Variants in CAPZB observed in about 807,000 individuals in gnomAD.
CAPZB encodes capping actin protein of muscle Z-line subunit beta.
Under a neutral mutation model 38.1 loss-of-function variants are expected in CAPZB, and 2 were observed. The observed-to-expected ratio is 0.05, with a 90% CI of 0.02 to 0.17. The LOEUF (loss-of-function observed/expected upper bound fraction) is 0.17. Among genes scored for constraint, CAPZB ranks in the 10% least tolerant of loss-of-function variants. The pLI, the probability that CAPZB is intolerant of heterozygous loss-of-function variation, is 1.00. For synonymous variants in CAPZB, 107 were observed against 127.4 expected (o/e 0.84, Z 1.08); for missense variants, 161 against 334.2 (o/e 0.48, Z 4.04).
Position 19,448,893 on chromosome 1 carries a change from T to C in CAPZB, c.4-29143A>G, listed in dbSNP as rs765813302. 1.4e-5 allele frequency: 23 copies of C among 1,612,784 alleles called. No homozygotes were observed. The Admixed American group carries it at 3.8e-4, about 27-fold the overall frequency. Reference sequence around the variant, plus strand: ...CCAAGGCCTGGGCGAGAGAACCCTGTATCCTGGAACTGCCTGGGCATTGGA... The same window carrying C: ...CCAAGGCCTGGGCGAGAGAACCCTGCATCCTGGAACTGCCTGGGCATTGGA... On this transcript the variant is annotated intron_variant, in intron 1 of 8. Coordinates refer to ENST00000264202, the MANE Select transcript of CAPZB (RefSeq NM_004930.5).
chr1:19,479,737 T>C (rs2094620761), intron 1 of CAPZB, among the ~76,000 whole-genome samples: 1 of 152,124 alleles, frequency 6.6e-6, no homozygotes, highest in East Asian at 1.9e-4. Flanking sequence ...GGGCTCTTCC[T>C]AAAATACCAC....
At chr1:19,379,919 G>C (rs975588078) in intron 3 of CAPZB, among the ~76,000 whole-genome samples, 2 of 152,082 alleles carry the variant, frequency 1.3e-5, no homozygotes, top group Admixed American at 6.5e-5. Context: ...TGGTCTAAAC[G>C]CCTCGCTGTT....
intron 2 of CAPZB, among the ~76,000 whole-genome samples, chr1:19,411,717 T>C (rs963711268): frequency 6.6e-6 from 1 of 152,198 alleles, no homozygotes; most frequent in African/African-American, 2.4e-5. Context: ...ACAGAACTCA[T>C]CAGAATCTGA....
chr1:19,385,653 A>G (rs1213681575), intron 2 of CAPZB, 27 bp from the exon 3 acceptor site: 3 of 1,614,040 alleles, frequency 1.9e-6, no homozygotes, highest in Non-Finnish European at 8.5e-7. Context: ...ACAAGGTCGA[A>G]ACAGAGGTTA....
At chr1:19,340,946 G>A (rs1186502970) in intron 8 of CAPZB, among the ~76,000 whole-genome samples, 4 of 152,162 alleles carry the variant, frequency 2.6e-5, no homozygotes, top group Admixed American at 2.6e-4. Context: ...CACCAGCCAT[G>A]GGAAGGAAGA....
At position 19,387,537 on chromosome 1, in the gene CAPZB, T is replaced by C. The variant is rs2094210507; in HGVS notation, c.94-1911A>G. Among the ~76,000 whole-genome samples the C allele has an allele frequency of 2.6e-5, 4 of 152,366 alleles. No individual in the cohort carries two copies. In the South Asian group the frequency reaches 8.3e-4, roughly 32 times the overall value. The stretch of plus-strand genomic sequence containing the variant: ...TGTCCCTAAGCATCTCTGTTTATAA[T>C]GCTGGGATGCTGCCTTGGCTTATCT... On this transcript the variant is annotated intron_variant, in intron 2 of 8. Transcript: ENST00000264202.
At chr1:19,445,908 G>A (rs986984806) in intron 1 of CAPZB, among the ~76,000 whole-genome samples, 1 of 152,292 alleles carries the variant, frequency 6.6e-6, no homozygotes, top group African/African-American at 2.4e-5. Context: ...ACCACTAGAG[G>A]CAGGGAGTGC....
At chr1:19,358,025 C>A (rs2094031114) in intron 4 of CAPZB, among the ~76,000 whole-genome samples, 1 of 152,218 alleles carries the variant, frequency 6.6e-6, no homozygotes, top group East Asian at 1.9e-4. Flanking sequence ...GCCTGGCAGA[C>A]CAGGGCTCCA....
At chr1:19,416,261 C>A (rs1302501689) in intron 2 of CAPZB, among the ~76,000 whole-genome samples, 1 of 152,142 alleles carries the variant, frequency 6.6e-6, no homozygotes, top group East Asian at 1.9e-4. Context: ...GTTTCTCTCC[C>A]AACAGGCAAA....
intron 2 of CAPZB, among the ~76,000 whole-genome samples, chr1:19,401,122 G>A (rs1010681293): frequency 2.0e-5 from 3 of 150,826 alleles, no homozygotes; most frequent in Non-Finnish European, 4.4e-5. Flanking sequence ...ACTCATCATG[G>A]TTTAAAAAAA....
chr1:19,389,931 C>T (rs565763031), intron 2 of CAPZB, among the ~76,000 whole-genome samples: 1 of 152,236 alleles, frequency 6.6e-6, no homozygotes, highest in Non-Finnish European at 1.5e-5. Context: ...TTTCACCTTA[C>T]TCCTTCCTCA....
At chr1:19,371,330 C>T (rs1183407152) in intron 4 of CAPZB, among the ~76,000 whole-genome samples, 2 of 152,196 alleles carry the variant, frequency 1.3e-5, no homozygotes, top group African/African-American at 4.8e-5. Flanking sequence ...GATGCAGGTA[C>T]AGAATGTAAG....
intron 8 of CAPZB, among the ~76,000 whole-genome samples, chr1:19,340,928 T>C (rs1459778504): frequency 6.6e-6 from 1 of 152,164 alleles, no homozygotes; most frequent in Non-Finnish European, 1.5e-5. Flanking sequence ...ACTCTCACGT[T>C]TGATTCACAC....
intron 2 of CAPZB, among the ~76,000 whole-genome samples, chr1:19,404,253 A>T (rs1395916248): frequency 3.2e-4 from 48 of 149,938 alleles, no homozygotes; most frequent in East Asian, 1.8e-3. Flanking sequence ...AAAAAAAAAA[A>T]AAAAATATGG....
chr1:19,386,777 G>A (rs939353235), intron 2 of CAPZB, among the ~76,000 whole-genome samples: 2 of 152,202 alleles, frequency 1.3e-5, no homozygotes, highest in Non-Finnish European at 2.9e-5. Flanking sequence ...CTAAAGGACT[G>A]TAACCCTGCC....
intron 1 of CAPZB, among the ~76,000 whole-genome samples, chr1:19,440,856 C>T (rs1254968139): frequency 6.6e-6 from 1 of 152,124 alleles, no homozygotes; most frequent in South Asian, 2.1e-4. Flanking sequence ...GTCAGGAGAT[C>T]GAGACCACCT....
chr1:19,376,728 G>A (rs1247783786), intron 4 of CAPZB, among the ~76,000 whole-genome samples: 1 of 152,222 alleles, frequency 6.6e-6, no homozygotes, highest in Admixed American at 6.5e-5. Context: ...ACAATGGAGT[G>A]TGGTGAGGGC....
At chr1:19,394,875 G>GT (rs2094257721) in intron 2 of CAPZB, among the ~76,000 whole-genome samples, 1 of 152,176 alleles carries the variant, frequency 6.6e-6, no homozygotes, top group South Asian at 2.1e-4. Context: ...AGAAGCTGTA[G>GT]TTTGAATTTT....
intron 3 of CAPZB, among the ~76,000 whole-genome samples, chr1:19,382,389 G>A (rs1199816744): frequency 6.6e-6 from 1 of 152,112 alleles, no homozygotes; most frequent in Non-Finnish European, 1.5e-5. Context: ...CAAAAGTCAG[G>A]ACTTTCATTT....
Sources: allele counts gnomAD v4.1 joint callset (sites outside exome capture counted in the v4.1 genomes callset), GRCh38; gene constraint gnomAD v4.1.1; transcripts MANE v1.5; gene names NCBI Gene and HGNC (gene_info 2026-07-23, HGNC 2026-07-21).